Variants in SORCS2 observed in about 807,000 individuals in gnomAD.
SORCS2 encodes VPS10 domain-containing receptor SorCS2.
A neutral mutation model predicts 141.6 loss-of-function variants in SORCS2; 100 were observed. That is an observed-to-expected ratio of 0.71 (90% CI 0.60 to 0.83). The LOEUF (loss-of-function observed/expected upper bound fraction) is 0.83, where lower values mean the gene tolerates loss of function less well. SORCS2 is among the 40% of genes least tolerant of loss of function. The probability of loss-of-function intolerance (pLI) is 0.00; values close to 1 mark genes in which losing one functional copy is unlikely to be tolerated. For missense variants in SORCS2, 1,646 were observed against 1,560.2 expected (o/e 1.05, Z -0.93); for synonymous variants, 789 against 676.9 (o/e 1.17, Z -2.57).
At chr4:7,316,596 T>G (rs1223666001) in intron 1 of SORCS2, among the ~76,000 whole-genome samples, 2 of 152,208 alleles carry the variant, frequency 1.3e-5, no homozygotes, top group African/African-American at 4.8e-5. Flanking sequence ...TTACACAGAT[T>G]AAATGTGATA....
intron 18 of SORCS2, among the ~76,000 whole-genome samples, chr4:7,722,332 C>T (rs1313027434): frequency 6.6e-6 from 1 of 152,226 alleles, no homozygotes; most frequent in East Asian, 1.9e-4. Flanking sequence ...GAACCACAAC[C>T]AGCGAGCAGC....
chr4:7,706,077 C>G lies in SORCS2; in HGVS notation c.1868+1793C>G, dbSNP rs1231234649. On this transcript the variant is annotated intron_variant, in intron 14 of 26. Transcript: ENST00000507866. ...CCGCCTGGGCAGGGATGAGGCTGGG[C>G]TCTGCCTGGACAGAGATGAGGCTGG... 2.8e-5 allele frequency among the ~76,000 whole-genome samples: 4 copies of G among 145,294 alleles called. 1 individual carries two copies. Among genetic ancestry groups the G allele is most frequent in the Non-Finnish European group, 6.2e-5 (4 of 64,828 alleles).
At chr4:7,400,654 G>T (rs1197516063) in intron 2 of SORCS2, among the ~76,000 whole-genome samples, 1 of 152,242 alleles carries the variant, frequency 6.6e-6, no homozygotes, top group African/African-American at 2.4e-5. Context: ...TGAATGGACA[G>T]ATGGATGGAT....
At chr4:7,712,642 G>C (rs1046915400) in intron 14 of SORCS2, 91 bp from the exon 15 acceptor site, 6 of 1,554,506 alleles carry the variant, frequency 3.9e-6, no homozygotes, top group African/African-American at 2.7e-5. Flanking sequence ...GGTACAGGTA[G>C]GAACAGAGTC....
Position 7,712,860 on chromosome 4 carries a change from C to T in SORCS2, c.1989+7C>T, listed in dbSNP as rs762800569. 47 of 1,613,372 alleles carry T rather than the reference C, an allele frequency of 2.9e-5. No homozygotes were observed. Among genetic ancestry groups the T allele is most frequent in the East Asian group, 8.9e-5 (4 of 44,882 alleles). ...GGAGCTCTCCAACCTGCAGGTGGGCCGGCATGAGGCTGGGATCGGGCAGGT... is the reference window on the plus strand; with the variant it reads ...GGAGCTCTCCAACCTGCAGGTGGGCTGGCATGAGGCTGGGATCGGGCAGGT... On this transcript the variant is annotated splice_region_variant and intron_variant, in intron 15 of 26. Transcript: ENST00000507866.
intron 14 of SORCS2, 36 bp from the exon 15 acceptor site, chr4:7,712,697 T>C (rs1285673763): frequency 7.4e-6 from 12 of 1,612,978 alleles, no homozygotes; most frequent in Non-Finnish European, 1.0e-5. Flanking sequence ...CTAATGAAGG[T>C]GGTTTTCTCT....
chr4:7,415,184 G>C (rs998760962), intron 2 of SORCS2, among the ~76,000 whole-genome samples: 6 of 152,224 alleles, frequency 3.9e-5, no homozygotes, highest in African/African-American at 1.4e-4. Flanking sequence ...TTCCATGGCT[G>C]CCGTAAAAAT....
chr4:7,512,262 C>T (rs914594398), intron 2 of SORCS2, among the ~76,000 whole-genome samples: 1 of 151,170 alleles, frequency 6.6e-6, no homozygotes, highest in Non-Finnish European at 1.5e-5. Context: ...TCTCGAAGTC[C>T]AGCCCAGGGC....
At chr4:7,335,501 G>T (rs530961725) in intron 1 of SORCS2, among the ~76,000 whole-genome samples, 6 of 152,150 alleles carry the variant, frequency 3.9e-5, no homozygotes, top group Non-Finnish European at 5.9e-5. Context: ...CTCTGGGCGG[G>T]CCTCACCCTG....
At position 7,360,488 on chromosome 4, in the gene SORCS2, T is replaced by TTGC. The variant is rs1298981283; in HGVS notation, c.481-35793_481-35791dup. Among the ~76,000 whole-genome samples the TTGC allele has an allele frequency of 2.0e-5, 3 of 151,164 alleles. No individual in the cohort carries two copies. In the East Asian group the frequency reaches 5.9e-4, roughly 30 times the overall value. ...ATGGCTCTCCCTGAGGCTGTGGCTC[T>TTGC]TGCTGCTGCCCCTCTGAGTCCCAGT... On this transcript the variant is annotated intron_variant, in intron 1 of 26. Coordinates refer to ENST00000507866, the MANE Select transcript of SORCS2 (RefSeq NM_020777.3).
At chr4:7,368,242 G>C (rs1315567359) in intron 1 of SORCS2, among the ~76,000 whole-genome samples, 2 of 152,218 alleles carry the variant, frequency 1.3e-5, no homozygotes, top group East Asian at 3.8e-4. Context: ...ACTCTCCAGG[G>C]AGGCTGGAGC....
intron 3 of SORCS2, among the ~76,000 whole-genome samples, chr4:7,564,149 G>A (rs953665033): frequency 2.6e-5 from 4 of 152,208 alleles, no homozygotes; most frequent in African/African-American, 9.6e-5. Context: ...TGGCTTGTGG[G>A]CCATGAGGCT....
At chr4:7,478,060 T>C (rs1730409600) in intron 2 of SORCS2, among the ~76,000 whole-genome samples, 1 of 152,064 alleles carries the variant, frequency 6.6e-6, no homozygotes, top group Non-Finnish European at 1.5e-5. Context: ...CTTGAGCCCT[T>C]AGAAAGTTAG....
intron 1 of SORCS2, among the ~76,000 whole-genome samples, chr4:7,255,303 G>A (rs898504949): frequency 4.6e-5 from 7 of 152,036 alleles, no homozygotes; most frequent in African/African-American, 7.2e-5. Context: ...TGGAGGAGGC[G>A]GCTTTCATCT....
At chr4:7,444,854 T>C (rs1727888877) in intron 2 of SORCS2, among the ~76,000 whole-genome samples, 1 of 152,198 alleles carries the variant, frequency 6.6e-6, no homozygotes. Flanking sequence ...ACAGGATTTG[T>C]AGTTGGTTTG....
chr4:7,714,723 C>A, intron 16 of SORCS2, among the ~76,000 whole-genome samples: 1 of 152,214 alleles, frequency 6.6e-6, no homozygotes, highest in East Asian at 1.9e-4. Context: ...AGCCACCCGA[C>A]CTGTCCCCTG....
chr4:7,204,329 C>T (rs1007164839), intron 1 of SORCS2, among the ~76,000 whole-genome samples: 7 of 152,132 alleles, frequency 4.6e-5, no homozygotes, highest in Non-Finnish European at 8.8e-5. Flanking sequence ...GATTCTCTCA[C>T]CTCAGCCTCC....
intron 1 of SORCS2, among the ~76,000 whole-genome samples, chr4:7,277,652 C>T (rs1040463067): frequency 2.3e-5 from 3 of 130,342 alleles, no homozygotes; most frequent in Non-Finnish European, 3.5e-5. Context: ...CTCGGAACAC[C>T]ACTCCCTCCG....
At chr4:7,513,997 G>T (rs999961564) in intron 2 of SORCS2, among the ~76,000 whole-genome samples, 1 of 152,162 alleles carries the variant, frequency 6.6e-6, no homozygotes, top group Non-Finnish European at 1.5e-5. Context: ...ACTGTCATTT[G>T]TTGCCTTTAT....
Sources: gnomAD v4.1 joint callset for allele counts (sites outside exome capture counted in the v4.1 genomes callset) on GRCh38, gnomAD v4.1.1 for gene constraint, MANE v1.5 for transcripts, NCBI Gene and HGNC (gene_info 2026-07-23, HGNC 2026-07-21) for gene names.